The following TMEM132C variants were observed in gnomAD, a reference collection of about 807,000 sequenced individuals.
TMEM132C encodes the protein transmembrane protein 132C.
In TMEM132C, 29 loss-of-function variants were observed where a neutral mutation model predicts 61.4. The ratio of observed to expected loss-of-function variants is 0.47; its 90% CI spans 0.35 to 0.64. TMEM132C has a LOEUF of 0.64. TMEM132C is among the 30% of genes least tolerant of loss of function. The pLI, the probability that TMEM132C is intolerant of heterozygous loss-of-function variation, is 0.00. For synonymous variants in TMEM132C, 656 were observed against 633.1 expected (o/e 1.04, Z -0.54); for missense variants, 1,408 against 1,476.9 (o/e 0.95, Z 0.76).
At chr12:128,422,167 G>A (rs1289257963) in intron 2 of TMEM132C, among the ~76,000 whole-genome samples, 1 of 152,172 alleles carries the variant, frequency 6.6e-6, no homozygotes, top group Non-Finnish European at 1.5e-5. Context: ...CCACCTCAGT[G>A]TACCTCTGTG....
chr12:128,474,073 A>T (rs1322746629), intron 2 of TMEM132C, among the ~76,000 whole-genome samples: 1 of 152,172 alleles, frequency 6.6e-6, no homozygotes, highest in Non-Finnish European at 1.5e-5. Context: ...ATCCTGTTGT[A>T]AAATTTTAGA....
At chr12:128,667,132 T>A (rs903053382) in intron 4 of TMEM132C, among the ~76,000 whole-genome samples, 1 of 152,142 alleles carries the variant, frequency 6.6e-6, no homozygotes, top group African/African-American at 2.4e-5. Flanking sequence ...CATACACATA[T>A]ACATATATGT....
At chr12:128,519,150 A>G (rs2136126019) in intron 2 of TMEM132C, among the ~76,000 whole-genome samples, 1 of 152,284 alleles carries the variant, frequency 6.6e-6, no homozygotes, top group Non-Finnish European at 1.5e-5. Flanking sequence ...TTTTCCCCTC[A>G]TCAGTACATC....
chr12:128,580,522 G>C (rs1875294235), intron 3 of TMEM132C, among the ~76,000 whole-genome samples: 2 of 152,238 alleles, frequency 1.3e-5, no homozygotes, highest in Non-Finnish European at 2.9e-5. Flanking sequence ...AGCCTGGTTA[G>C]AGGGAGTCCA....
chr12:128,544,174 C>G, intron 3 of TMEM132C, 71 bp downstream of exon 3: 2 of 1,437,720 alleles, frequency 1.4e-6, no homozygotes, highest in Non-Finnish European at 1.8e-6. Context: ...TGCGTAAGAG[C>G]CTTGACTTGG....
chr12:128,597,468 G>A (rs992657217), intron 3 of TMEM132C, among the ~76,000 whole-genome samples: 9 of 143,592 alleles, frequency 6.3e-5, no homozygotes, highest in South Asian at 2.4e-4. Context: ...AAGAGAGAGC[G>A]AGAGAGAGGA....
At chr12:128,589,211 C>G (rs75794643) in intron 3 of TMEM132C, among the ~76,000 whole-genome samples, 1 of 152,146 alleles carries the variant, frequency 6.6e-6, no homozygotes, top group Non-Finnish European at 1.5e-5. Flanking sequence ...GAAGGCAAGG[C>G]GCACAAGGAA....
chr12:128,328,784 C>CT (rs1292317287), intron 1 of TMEM132C, among the ~76,000 whole-genome samples: 1 of 88,584 alleles, frequency 1.1e-5, no homozygotes, highest in African/African-American at 5.3e-5. Context: ...AAGATTCTGT[C>CT]TTAAAAAAAA....
chr12:128,341,119 T>C (rs1291296332), intron 1 of TMEM132C, among the ~76,000 whole-genome samples: 1 of 152,024 alleles, frequency 6.6e-6, no homozygotes, highest in South Asian at 2.1e-4. Context: ...TTTTGTATTT[T>C]TGGTAGAGAC....
At chr12:128,280,876 T>A (rs1344995469) in intron 1 of TMEM132C, among the ~76,000 whole-genome samples, 10 of 152,138 alleles carry the variant, frequency 6.6e-5, no homozygotes, top group Non-Finnish European at 1.5e-5. Flanking sequence ...TAGAAAACAA[T>A]GTGCTCTAAT....
At chr12:128,489,421 G>A (rs1001852666) in intron 2 of TMEM132C, among the ~76,000 whole-genome samples, 9 of 151,830 alleles carry the variant, frequency 5.9e-5, no homozygotes, top group South Asian at 2.1e-4. Flanking sequence ...AGCACAGAGC[G>A]TTTAAGGGCT....
At chr12:128,683,100 C>G (rs1016808706) in intron 5 of TMEM132C, among the ~76,000 whole-genome samples, 2 of 152,110 alleles carry the variant, frequency 1.3e-5, no homozygotes, top group Non-Finnish European at 2.9e-5. Flanking sequence ...AGAAACTGCA[C>G]GCGTGGTGCG....
At chr12:128,273,748 A>T (rs1870594886) in intron 1 of TMEM132C, among the ~76,000 whole-genome samples, 1 of 152,178 alleles carries the variant, frequency 6.6e-6, no homozygotes, top group Non-Finnish European at 1.5e-5. Flanking sequence ...ATTTTAATTA[A>T]TCATTACTTG....
chr12:128,682,429 G>T (rs1954642950), intron 5 of TMEM132C, among the ~76,000 whole-genome samples: 1 of 152,212 alleles, frequency 6.6e-6, no homozygotes, highest in Non-Finnish European at 1.5e-5. Flanking sequence ...TCCAAGCAAT[G>T]GTTCCCGATC....
intron 2 of TMEM132C, among the ~76,000 whole-genome samples, chr12:128,450,275 G>A (rs999428234): frequency 1.3e-5 from 2 of 152,110 alleles, no homozygotes; most frequent in East Asian, 1.9e-4. Flanking sequence ...ATATTGGATA[G>A]CAGGGAACAT....
intron 2 of TMEM132C, among the ~76,000 whole-genome samples, chr12:128,505,572 A>G (rs1593077693): frequency 6.6e-6 from 1 of 152,196 alleles, no homozygotes; most frequent in African/African-American, 2.4e-5. Flanking sequence ...CTCATATTAT[A>G]GGGCTGTTGT....
At chr12:128,497,872 C>A (rs545650670) in intron 2 of TMEM132C, among the ~76,000 whole-genome samples, 2 of 152,104 alleles carry the variant, frequency 1.3e-5, no homozygotes, top group Non-Finnish European at 2.9e-5. Context: ...GAGATGAACC[C>A]GGTACCTCAG....
At chr12:128,604,439 AGATAGATAGATAATAG>A (rs1876331484) in intron 3 of TMEM132C, among the ~76,000 whole-genome samples, 2 of 149,820 alleles carry the variant, frequency 1.3e-5, no homozygotes, top group African/African-American at 5.0e-5. Context: ...ATAGATAGAT[AGATAGATAGATAATAG>A]ATGGATAGAT....
chr12:128,334,805 C>T (rs966324588), intron 1 of TMEM132C, among the ~76,000 whole-genome samples: 2 of 152,090 alleles, frequency 1.3e-5, no homozygotes, highest in African/African-American at 4.8e-5. Flanking sequence ...ACTGTGTTAG[C>T]CAGGAGGGTC....
Sources: gnomAD v4.1 joint callset for allele counts (sites outside exome capture counted in the v4.1 genomes callset) on GRCh38, gnomAD v4.1.1 for gene constraint, MANE v1.5 for transcripts, NCBI Gene and HGNC (gene_info 2026-07-23, HGNC 2026-07-21) for gene names.